Variants in STAB2 observed in about 807,000 individuals in gnomAD.
The protein encoded by STAB2 is stabilin-2.
A neutral mutation model predicts 338.1 loss-of-function variants in STAB2; 288 were observed. The observed-to-expected ratio is 0.85, with a 90% CI of 0.77 to 0.94. STAB2 has a LOEUF of 0.94. Ranked by LOEUF, STAB2 falls within the 40% of genes least tolerant of loss-of-function variation. STAB2 has a pLI of 0.00. For missense variants in STAB2, 3,141 were observed against 3,210.1 expected (o/e 0.98, Z 0.52); for synonymous variants, 1,202 against 1,193.3 (o/e 1.01, Z -0.15).
intron 9 of STAB2, among the ~76,000 whole-genome samples, chr12:103,642,366 G>A (rs866610838): frequency 1.8e-4 from 27 of 152,200 alleles, no homozygotes; most frequent in African/African-American, 5.5e-4. Flanking sequence ...TGGGCCTATT[G>A]TAATAAGCAC....
intron 38 of STAB2, among the ~76,000 whole-genome samples, chr12:103,707,847 AT>A (rs1466191262): frequency 6.6e-6 from 1 of 152,246 alleles, no homozygotes; most frequent in East Asian, 1.9e-4. Flanking sequence ...TACAGTGTTG[AT>A]TTTTTCCCAT....
intron 5 of STAB2, among the ~76,000 whole-genome samples, chr12:103,625,335 G>A (rs1957364340): frequency 2.0e-5 from 3 of 152,156 alleles, no homozygotes; most frequent in Non-Finnish European, 4.4e-5. Flanking sequence ...AAGGGCAAGT[G>A]AAAGGGAGAA....
Position 103,692,874 on chromosome 12 carries a change from A to C in STAB2, c.3360A>C (p.Ile1120=). The change falls in exon 31 of 69, where the codon ATA becomes ATC. Residue 1120 remains isoleucine (I), a synonymous_variant. Transcript: ENST00000388887. ...DGDNAATNGV[I]HIINKVLVPQ... Reference sequence around the variant, plus strand: ...ACAACGCAGCCACAAATGGAGTGATACACATCATCAACAAGGTACAAGATT... The same window carrying C: ...ACAACGCAGCCACAAATGGAGTGATCCACATCATCAACAAGGTACAAGATT... 3 of 1,613,322 alleles carry C rather than the reference A, an allele frequency of 1.9e-6. No individual in the cohort carries two copies. The highest frequency in any genetic ancestry group is 2.5e-6 in the Non-Finnish European group (3 of 1,179,344).
At chr12:103,753,094 A>G in intron 60 of STAB2, 126 bp from the exon 61 acceptor site, 1 of 1,115,562 alleles carries the variant, frequency 9.0e-7, no homozygotes, top group Non-Finnish European at 1.3e-6. Flanking sequence ...CTTGAAGGGA[A>G]AGTGGCTTCT....
At chr12:103,723,826 G>A (rs551319638) in intron 44 of STAB2, among the ~76,000 whole-genome samples, 1 of 152,230 alleles carries the variant, frequency 6.6e-6, no homozygotes, top group Admixed American at 6.5e-5. Context: ...GGAGAAAGAA[G>A]TAAGCTCAAA....
At chr12:103,675,655 C>T (rs1272190563) in intron 23 of STAB2, among the ~76,000 whole-genome samples, 2 of 152,218 alleles carry the variant, frequency 1.3e-5, no homozygotes, top group Non-Finnish European at 2.9e-5. Flanking sequence ...AGGTATTAGG[C>T]CCATTTTCCT....
At chr12:103,643,737 G>GAAAAGATACCA (rs1408297162) in intron 9 of STAB2, among the ~76,000 whole-genome samples, 2 of 151,974 alleles carry the variant, frequency 1.3e-5, no homozygotes, top group Non-Finnish European at 2.9e-5. Flanking sequence ...TGTTGCATTA[G>GAAAAGATACCA]AAAAGATACC....
chr12:103,631,272 G>A (rs2138665323), intron 5 of STAB2, among the ~76,000 whole-genome samples: 1 of 152,214 alleles, frequency 6.6e-6, no homozygotes, highest in East Asian at 1.9e-4. Context: ...GTGTATATAA[G>A]ACACTAAATT....
chr12:103,654,500 T>C, intron 12 of STAB2, 55 bp from the exon 13 acceptor site: 5 of 1,560,274 alleles, frequency 3.2e-6, no homozygotes, highest in Non-Finnish European at 4.3e-6. Flanking sequence ...ACTCCAGTGC[T>C]TGCTCCTTCC....
At chr12:103,723,710 C>T (rs923039705) in intron 44 of STAB2, among the ~76,000 whole-genome samples, 1 of 151,964 alleles carries the variant, frequency 6.6e-6, no homozygotes, top group East Asian at 1.9e-4. Flanking sequence ...AGGGATTTGC[C>T]AAGCCATAGT....
chr12:103,690,677 C>A (rs1168364316), intron 30 of STAB2, 139 bp downstream of exon 30: 1 of 658,220 alleles, frequency 1.5e-6, no homozygotes. Context: ...GGGCATCACC[C>A]AGCTGCAATA....
intron 3 of STAB2, among the ~76,000 whole-genome samples, chr12:103,596,456 T>C (rs1340320163): frequency 1.3e-5 from 2 of 152,314 alleles, no homozygotes; most frequent in Non-Finnish European, 2.9e-5. Context: ...GCCTACTCCT[T>C]ATTCTCCTCA....
rs1593331789 is a variant in STAB2, at chr12:103,750,142, A to G, written c.6439-437A>G. On this transcript the variant is annotated intron_variant, in intron 59 of 68. Coordinates refer to ENST00000388887, the MANE Select transcript of STAB2 (RefSeq NM_017564.10). ...AACCAGTGGTCATTGTGCACCTACT[A>G]TGTGCTCTTGCAGGTCCCAGGGTTA... Among the ~76,000 whole-genome samples, 3 of 152,226 alleles carry G rather than the reference A, an allele frequency of 2.0e-5. No homozygotes were observed. The South Asian group carries it at 6.2e-4, about 32-fold the overall frequency.
At chr12:103,589,183 C>A (rs1956759196) in intron 1 of STAB2, among the ~76,000 whole-genome samples, 1 of 152,174 alleles carries the variant, frequency 6.6e-6, no homozygotes, top group African/African-American at 2.4e-5. Context: ...TGTAAAGTTT[C>A]TTTTTATGCA....
At chr12:103,632,110 G>A (rs1392724067) in intron 6 of STAB2, among the ~76,000 whole-genome samples, 7 of 152,316 alleles carry the variant, frequency 4.6e-5, no homozygotes. Context: ...AGGAAAGGGT[G>A]CTTCACCAAC....
intron 3 of STAB2, among the ~76,000 whole-genome samples, chr12:103,606,525 C>G (rs554355977): frequency 1.6e-3 from 236 of 152,158 alleles, no homozygotes; most frequent in African/African-American, 5.4e-3. Flanking sequence ...TCTTGTAGTG[C>G]AGGATATCTA....
chr12:103,635,635 C>T (rs568199020), intron 6 of STAB2, among the ~76,000 whole-genome samples: 2 of 152,318 alleles, frequency 1.3e-5, no homozygotes, highest in African/African-American at 4.8e-5. Context: ...ACAGCAAGGC[C>T]CCTGAAGAGC....
At chr12:103,681,393 T>C (rs1236659930) in intron 25 of STAB2, among the ~76,000 whole-genome samples, 1 of 152,150 alleles carries the variant, frequency 6.6e-6, no homozygotes, top group Non-Finnish European at 1.5e-5. Context: ...AATGTATTGT[T>C]TCACAGTTGT....
chr12:103,723,225 C>G (rs1880907710), intron 44 of STAB2, among the ~76,000 whole-genome samples: 1 of 152,176 alleles, frequency 6.6e-6, no homozygotes, highest in South Asian at 2.1e-4. Flanking sequence ...AAGACATACT[C>G]CAGACTGGGC....
Sources: gnomAD v4.1 joint callset for allele counts (sites outside exome capture counted in the v4.1 genomes callset) on GRCh38, gnomAD v4.1.1 for gene constraint, MANE v1.5 for transcripts, NCBI Gene and HGNC (gene_info 2026-07-23, HGNC 2026-07-21) for gene names.